Variants in BAHD1 observed in about 807,000 individuals in gnomAD.
BAHD1 encodes bromo adjacent homology domain-containing 1 protein.
A neutral mutation model predicts 63.1 loss-of-function variants in BAHD1; 20 were observed. The ratio of observed to expected loss-of-function variants is 0.32; its 90% CI spans 0.22 to 0.46. The LOEUF is 0.46. Ranked by LOEUF, BAHD1 falls within the 20% of genes least tolerant of loss-of-function variation. The probability of loss-of-function intolerance (pLI) is 1.00; values close to 1 mark genes in which losing one functional copy is unlikely to be tolerated. For missense variants in BAHD1, 939 were observed against 1,071.8 expected, an observed-to-expected ratio of 0.88 and a Z score of 1.73; for synonymous variants, 408 against 426.8, an observed-to-expected ratio of 0.96 and a Z score of 0.54.
rs146446117 is a variant in BAHD1 at position 40,459,698 on chromosome 15, G to A, written c.1234G>A (p.Glu412Lys). The change falls in exon 2 of 7, where the codon GAG (glutamate) becomes AAG (lysine). Residue 412 changes from glutamate (E) to lysine (K), a missense_variant. Glu to Lys is a moderately conservative substitution (Grantham distance 56). Coordinates refer to ENST00000416165, the MANE Select transcript of BAHD1 (RefSeq NM_014952.5). ...GKLSPVAAPH[E>K]EGLLLAPSSV... ...GCTGTCCCCAGTGGCTGCACCTCAC[G>A]AGGAGGGGCTCCTCTTAGCTCCGAG... The A allele has an allele frequency of 5.6e-5, 90 of 1,613,974 alleles. No individual in the cohort carries two copies. Among genetic ancestry groups the A allele is most frequent in the African/African-American group, 3.1e-4 (23 of 75,050 alleles).
chr15:40,461,841 C>T, intron 2 of BAHD1, 71 bp from the exon 3 acceptor site: 1 of 1,505,072 alleles, frequency 6.6e-7, no homozygotes, highest in Non-Finnish European at 8.9e-7. Context: ...AAGACAGGAG[C>T]AGGCTCTGAA....
intron 1 of BAHD1, among the ~76,000 whole-genome samples, chr15:40,449,313 A>G (rs1183977993): frequency 6.6e-6 from 1 of 152,076 alleles, no homozygotes; most frequent in Non-Finnish European, 1.5e-5. Context: ...GAAATTTCCA[A>G]CCCTGCACAC....
upstream of BAHD1, among the ~76,000 whole-genome samples, chr15:40,440,227 AG>A (rs1893361022): frequency 6.6e-6 from 1 of 152,066 alleles, no homozygotes; most frequent in Non-Finnish European, 1.5e-5. Context: ...GGGCAGAAAG[AG>A]GAAAAAGAGA....
intron 1 of BAHD1, among the ~76,000 whole-genome samples, chr15:40,446,767 AG>A (rs1398633382): frequency 1.3e-5 from 2 of 152,106 alleles, no homozygotes; most frequent in African/African-American, 4.8e-5. Flanking sequence ...TGGGGAAAAG[AG>A]GTGCTTTGAC....
At chr15:40,455,458 G>C (rs1002600195) in intron 1 of BAHD1, among the ~76,000 whole-genome samples, 1 of 152,168 alleles carries the variant, frequency 6.6e-6, no homozygotes, top group Non-Finnish European at 1.5e-5. Flanking sequence ...ACCTCTCTCT[G>C]CTTGGGACTT....
chr15:40,458,809 C>T lies in BAHD1; in HGVS notation c.345C>T (p.Arg115=). ...SSEDPGLAQP[R]KRRLASLNAE... is the part of the protein sequence containing the mutation. ...AAGACCCTGGCCTTGCCCAGCCCCG[C>T]AAGCGGCGCCTGGCCTCCCTCAATG... Residue 115 remains arginine (R), a synonymous_variant, in exon 2 of 7, where the codon CGC becomes CGT. Transcript: ENST00000416165. This position sits in a 1 kb window ranked among gnomAD's most constrained non-coding sequence, Gnocchi z 4.7. 3 of 1,612,898 alleles carry T rather than the reference C, an allele frequency of 1.9e-6. No individual in the cohort carries two copies. Among genetic ancestry groups the T allele is most frequent in the Non-Finnish European group, 2.5e-6 (3 of 1,179,930 alleles).
At chr15:40,446,887 A>G (rs183661903) in intron 1 of BAHD1, among the ~76,000 whole-genome samples, 6 of 152,178 alleles carry the variant, frequency 3.9e-5, no homozygotes, top group South Asian at 4.1e-4. Flanking sequence ...TCCATCTCCA[A>G]TGCCTTTTGG....
At chr15:40,444,003 T>C (rs1003859619) in intron 1 of BAHD1, among the ~76,000 whole-genome samples, 3 of 152,150 alleles carry the variant, frequency 2.0e-5, no homozygotes, top group Non-Finnish European at 1.5e-5. Flanking sequence ...AACATAGTCA[T>C]CCCCGCCTGA....
chr15:40,462,200 G>A lies in BAHD1; in HGVS notation c.1721G>A (p.Arg574His), dbSNP rs766129464. Reference sequence around the variant, plus strand: ...AGGCCTAGCCACCCCAAGCAGCCACGTGTCCAGCGCCCACGCCCTCGCCGC... The same window carrying A: ...AGGCCTAGCCACCCCAAGCAGCCACATGTCCAGCGCCCACGCCCTCGCCGC... ...ARRPSHPKQP[R>H]VQRPRPRRRR... The change falls in exon 3 of 7, where the codon CGT becomes CAT. Residue 574 changes from arginine (R) to histidine (H), a missense_variant. Transcript: ENST00000416165. The A allele has an allele frequency of 1.1e-5, 18 of 1,612,472 alleles. No homozygotes were observed. Among genetic ancestry groups the A allele is most frequent in the South Asian group, 7.7e-5 (7 of 91,062 alleles).
intron 1 of BAHD1, among the ~76,000 whole-genome samples, chr15:40,444,109 CTGTGTGTG>C (rs10692881): frequency 1.0e-4 from 15 of 150,218 alleles, no homozygotes; most frequent in Admixed American, 6.6e-5. Flanking sequence ...TGTTAAACCT[CTGTGTGTG>C]TGTGTGTGTG....
chr15:40,457,797 C>G (rs1006217175), intron 1 of BAHD1, among the ~76,000 whole-genome samples: 2 of 152,178 alleles, frequency 1.3e-5, no homozygotes, highest in African/African-American at 4.8e-5. Flanking sequence ...ATCACGAGGT[C>G]AGGAGATCGA....
In BAHD1 at chr15:40,448,273, T is replaced by A. The variant is rs200495325; in HGVS notation, c.-15+7005T>A. On this transcript the variant is annotated intron_variant, in intron 1 of 6. Coordinates refer to ENST00000416165, the MANE Select transcript of BAHD1 (RefSeq NM_014952.5). ...AAAAAAAAGTTTCTTTCAAAAAAAA[T>A]TTTTTTAATTGTATTTACGTTCTAG... Among the ~76,000 whole-genome samples the A allele has an allele frequency of 3.0e-4, 46 of 152,102 alleles. 1 individual carries two copies. The East Asian group carries it at 6.4e-3, about 21-fold the overall frequency.
intron 2 of BAHD1, 98 bp from the exon 3 acceptor site, chr15:40,461,814 G>T: frequency 6.8e-7 from 1 of 1,460,974 alleles, no homozygotes. Context: ...GTGGCCTTTG[G>T]TTGCACAGTT....
At chr15:40,455,077 C>A (rs139088403) in intron 1 of BAHD1, among the ~76,000 whole-genome samples, 1 of 152,358 alleles carries the variant, frequency 6.6e-6, no homozygotes, top group Non-Finnish European at 1.5e-5. Context: ...GCAGCAGAGA[C>A]CCCAGCCTCT....
rs1292457691 is a variant in BAHD1 at position 40,459,712 on chromosome 15, C to T, written c.1248C>T (p.Leu416=). The change falls in exon 2 of 7, where the codon CTC becomes CTT. Residue 416 remains leucine (L), a synonymous_variant. Transcript: ENST00000416165. ...PVAAPHEEGL[L]LAPSSVPSGT... ...CTGCACCTCACGAGGAGGGGCTCCT[C>T]TTAGCTCCGAGCTCAGTGCCCTCAG... is the stretch of plus-strand genomic sequence containing the variant. 1.2e-6 allele frequency: 2 copies of T among 1,613,856 alleles called. No homozygotes were observed. The highest frequency in any genetic ancestry group is 1.3e-5 in the African/African-American group (1 of 74,944).
chr15:40,463,097 T>G (rs949918640), intron 3 of BAHD1, among the ~76,000 whole-genome samples: 1 of 151,798 alleles, frequency 6.6e-6, no homozygotes, highest in Non-Finnish European at 1.5e-5. Context: ...AGCTCAGGAG[T>G]TCAAGACCAA....
Position 40,468,091 on chromosome 15 carries a change from G to A in BAHD1, c.*1961G>A, listed in dbSNP as rs1251843516. On this transcript the variant is annotated 3_prime_UTR_variant, in exon 7 of 7. Transcript: ENST00000416165. Reference sequence around the variant, plus strand: ...TGATATTTTGTAAAATGCACTTTTTGTGTGTGTTGATCCTGGTTTCCCAGA... The same window carrying A: ...TGATATTTTGTAAAATGCACTTTTTATGTGTGTTGATCCTGGTTTCCCAGA... 6.6e-6 allele frequency: 1 copy of A among 152,630 alleles called. No homozygotes were observed. The highest frequency in any genetic ancestry group is 1.9e-4 in the East Asian group (1 of 5,208). 9.5% of individuals were successfully genotyped at this position (152,630 alleles called of 1,614,324 possible). A position where few individuals can be genotyped will look rare whatever the true frequency, so the allele number is the denominator to read the frequency against.
At position 40,459,764 on chromosome 15, in the gene BAHD1, G is replaced by T. The variant is rs753177633; in HGVS notation, c.1300G>T (p.Gly434Cys). 2 of 1,613,948 alleles carry T rather than the reference G, an allele frequency of 1.2e-6. No homozygotes were observed. Among genetic ancestry groups the T allele is most frequent in the South Asian group, 2.2e-5 (2 of 91,084 alleles). Residue 434 changes from glycine to cysteine, a missense_variant, in exon 2 of 7, where the codon GGC (glycine) becomes TGC (cysteine). Transcript: ENST00000416165. ...CACCCCTTTCCAGCACCCTCCCTGG[G>T]GCTCCTCTCGCTACTGCTCTAGCGA... ...SGTPFQHPPW[G>C]SSRYCSSEDT... is the part of the protein sequence containing the mutation.
At chr15:40,446,145 T>A (rs1893534594) in intron 1 of BAHD1, among the ~76,000 whole-genome samples, 1 of 152,246 alleles carries the variant, frequency 6.6e-6, no homozygotes, top group Non-Finnish European at 1.5e-5. Flanking sequence ...GGGAGGCACC[T>A]AAGTGGTGTA....
Sources: allele counts gnomAD v4.1 joint callset (sites outside exome capture counted in the v4.1 genomes callset), GRCh38; gene constraint gnomAD v4.1.1; non-coding constraint Gnocchi (gnomAD v3.1); transcripts MANE v1.5; gene names NCBI Gene and HGNC (gene_info 2026-07-23, HGNC 2026-07-21).